The following MS4A15 variants were observed in gnomAD, a reference collection of about 807,000 sequenced individuals.
The protein encoded by MS4A15 is membrane-spanning 4-domains subfamily A member 15.
A neutral mutation model predicts 20.6 loss-of-function variants in MS4A15; 22 were observed. The ratio of observed to expected loss-of-function variants is 1.07; its 90% CI spans 0.76 to 1.52. The LOEUF (loss-of-function observed/expected upper bound fraction) is 1.52, where lower values mean the gene tolerates loss of function less well. MS4A15 is among the 40% of genes most tolerant of loss of function. MS4A15 has a pLI of 0.00. For missense variants in MS4A15, 312 were observed against 323.0 expected (o/e 0.97, Z 0.26); for synonymous variants, 129 against 129.3 (o/e 1.00, Z 0.02).
intron 1 of MS4A15, among the ~76,000 whole-genome samples, chr11:60,759,950 C>T (rs1853692848): frequency 6.6e-6 from 1 of 152,158 alleles, no homozygotes; most frequent in Non-Finnish European, 1.5e-5. Context: ...TGAGGGAACT[C>T]GGAGACCGGC....
chr11:60,771,191 G>T, intron 3 of MS4A15, 100 bp from the exon 4 acceptor site: 3 of 1,368,848 alleles, frequency 2.2e-6, no homozygotes, highest in Non-Finnish European at 2.0e-6. Context: ...GCATCAGGAG[G>T]CTGTTGTCTC....
intron 6 of MS4A15, 22 bp downstream of exon 6, chr11:60,773,972 C>T (rs756028058): frequency 1.3e-6 from 2 of 1,578,800 alleles, no homozygotes; most frequent in Admixed American, 3.3e-5. Context: ...CACCCCCACC[C>T]CCACGTCCAC....
intron 5 of MS4A15, 31 bp from the exon 6 acceptor site, chr11:60,773,806 G>T: frequency 6.3e-7 from 1 of 1,589,922 alleles, no homozygotes; most frequent in Non-Finnish European, 8.6e-7. Context: ...TAGAACTCTG[G>T]GCTCACCTTT....
At chr11:60,773,795 C>G in intron 5 of MS4A15, 42 bp from the exon 6 acceptor site, 1 of 1,568,258 alleles carries the variant, frequency 6.4e-7, no homozygotes, top group South Asian at 1.1e-5. Context: ...CCCCCTTACT[C>G]TAGAACTCTG....
intron 2 of MS4A15, among the ~76,000 whole-genome samples, chr11:60,765,897 A>G (rs538395998): frequency 7.0e-6 from 1 of 143,844 alleles, no homozygotes; most frequent in South Asian, 2.2e-4. Flanking sequence ...AAAAAAAAAA[A>G]TTGATGAGAC....
At position 60,760,939 on chromosome 11, in the gene MS4A15, G is replaced by C. The variant is rs142073166; in HGVS notation, c.-28-2767G>C. The stretch of plus-strand genomic sequence containing the variant: ...AAGCCTCTGTAACTGCAGAGAATCA[G>C]TTTCTTATGTATCTGGGGGTAATTG... On this transcript the variant is annotated intron_variant, in intron 1 of 6. Transcript: ENST00000405633. Among the ~76,000 whole-genome samples, 795 of 152,304 alleles carry C rather than the reference G, an allele frequency of 5.2e-3. 8 individuals carry two copies. The highest frequency in any genetic ancestry group is 0.018 in the African/African-American group (754 of 41,570).
chr11:60,773,784 A>T (rs1435909554), intron 5 of MS4A15, 53 bp from the exon 6 acceptor site: 8 of 1,493,016 alleles, frequency 5.4e-6, no homozygotes, highest in East Asian at 2.3e-5. Flanking sequence ...CACTCGGGGG[A>T]CCCCCTTACT....
intron 5 of MS4A15, 138 bp from the exon 6 acceptor site, chr11:60,773,699 G>T: frequency 1.2e-6 from 1 of 822,102 alleles, no homozygotes; most frequent in South Asian, 1.5e-5. Context: ...GAGGGTGCAG[G>T]ACTGGCGGCA....
intron 1 of MS4A15, among the ~76,000 whole-genome samples, chr11:60,763,019 T>C (rs1342060231): frequency 1.3e-5 from 2 of 152,152 alleles, no homozygotes; most frequent in Non-Finnish European, 2.9e-5. Context: ...TTTCAATAAA[T>C]ACTTGGCGGA....
At chr11:60,759,391 C>T (rs1163578754) in intron 1 of MS4A15, among the ~76,000 whole-genome samples, 4 of 152,220 alleles carry the variant, frequency 2.6e-5, no homozygotes, top group Non-Finnish European at 5.9e-5. Flanking sequence ...ACCAGGGACA[C>T]GATGCACTGC....
intron 4 of MS4A15, chr11:60,771,638 G>T: frequency 6.9e-7 from 1 of 1,450,890 alleles, no homozygotes; most frequent in Non-Finnish European, 9.2e-7. Context: ...TAAGAGTCCT[G>T]CTGGGCCTTG....
At position 60,773,482 on chromosome 11, in the gene MS4A15, C is replaced by A; in HGVS notation, c.496C>A (p.Arg166=). ...GCTCATGGATTTTGGTGTTACCAAC[C>A]GGGTGCGTTGTCAGATGGCCCTCGG... The part of the protein sequence containing the change: ...ILLMDFGVTN[R]DVDRGYLAVL... Residue 166 remains arginine, a splice_region_variant and synonymous_variant, in exon 5 of 7, where the codon CGG becomes AGG. Transcript: ENST00000405633. 1 of 1,613,564 alleles carries A rather than the reference C, an allele frequency of 6.2e-7. No individual in the cohort carries two copies. Among genetic ancestry groups the A allele is most frequent in the Non-Finnish European group, 8.5e-7 (1 of 1,179,662 alleles).
At chr11:60,770,791 C>T (rs575810913) in intron 3 of MS4A15, among the ~76,000 whole-genome samples, 13 of 151,686 alleles carry the variant, frequency 8.6e-5, no homozygotes, top group African/African-American at 2.4e-4. Flanking sequence ...CTGCAACCTC[C>T]GCCTCCCAGG....
chr11:60,772,807 T>C (rs1341015976), intron 4 of MS4A15, among the ~76,000 whole-genome samples: 1 of 152,156 alleles, frequency 6.6e-6, no homozygotes, highest in Non-Finnish European at 1.5e-5. Flanking sequence ...CTGCACGCTC[T>C]TTAGACCCTG....
Position 60,763,788 on chromosome 11 carries a change from G to A in MS4A15, c.55G>A (p.Ala19Thr), listed in dbSNP as rs781231770. 41 of 1,612,198 alleles carry A rather than the reference G, an allele frequency of 2.5e-5. No homozygotes were observed. The highest frequency in any genetic ancestry group is 1.5e-4 in the Admixed American group (9 of 60,008). Residue 19 changes from alanine (A) to threonine (T), a missense_variant, in exon 2 of 7, where the codon GCC (alanine) becomes ACC (threonine). Ala to Thr is a moderately conservative substitution (Grantham distance 58). Transcript: ENST00000405633. ...GTTTGTTGTCATCCCGCCAAACAAC[G>A]CCAGTGGCCTCTGCCCACCTCCGGC... is the stretch of plus-strand genomic sequence containing the variant. ...GVFVVIPPNN[A>T]SGLCPPPAIL...
chr11:60,757,685 C>T (rs1462874975), intron 1 of MS4A15, among the ~76,000 whole-genome samples: 2 of 152,216 alleles, frequency 1.3e-5, no homozygotes, highest in Non-Finnish European at 2.9e-5. Context: ...GGCAATGGCG[C>T]CTCCCATCCC....
At chr11:60,758,954 A>C (rs188605648) in intron 1 of MS4A15, among the ~76,000 whole-genome samples, 3 of 152,358 alleles carry the variant, frequency 2.0e-5, no homozygotes, top group Admixed American at 2.0e-4. Flanking sequence ...TGGCCTTACA[A>C]ACTTTTCCTC....
Position 60,773,875 on chromosome 11 carries a change from C to T in MS4A15, c.537C>T (p.Phe179=), listed in dbSNP as rs1590987187. 6.2e-7 allele frequency: 1 copy of T among 1,614,204 alleles called. No individual in the cohort carries two copies. Among genetic ancestry groups the T allele is most frequent in the Admixed American group, 1.7e-5 (1 of 60,032 alleles). ...DRGYLAVLTI[F]TVLEFFTAVI... ...GCTATCTGGCCGTGCTTACTATCTTCACTGTCCTGGAGTTCTTCACAGCGG... is the reference window on the plus strand; with the variant it reads ...GCTATCTGGCCGTGCTTACTATCTTTACTGTCCTGGAGTTCTTCACAGCGG... Residue 179 remains phenylalanine, a synonymous_variant, in exon 6 of 7, where the codon TTC becomes TTT. Transcript: ENST00000405633.
In MS4A15 at chr11:60,771,460, G is replaced by A. The variant is rs774289556; in HGVS notation, c.405+113G>A. The A allele has an allele frequency of 3.8e-5, 59 of 1,556,348 alleles. No individual in the cohort carries two copies. The Middle Eastern group carries it at 5.0e-4, about 13-fold the overall frequency. ...CAGCTCATTCCCCAGCACTTCAGGG[G>A]ACCTGCAAAGTGCCAGGGGAGGGGC... On this transcript the variant is annotated intron_variant, in intron 4 of 6. Coordinates refer to ENST00000405633, the MANE Select transcript of MS4A15 (RefSeq NM_001098835.2).
Sources: gnomAD v4.1 joint callset for allele counts (sites outside exome capture counted in the v4.1 genomes callset) on GRCh38, gnomAD v4.1.1 for gene constraint, MANE v1.5 for transcripts, NCBI Gene and HGNC (gene_info 2026-07-23, HGNC 2026-07-21) for gene names.